Variants in CDH4 observed in about 807,000 individuals in gnomAD.
CDH4 encodes cadherin 4.
CDH4 carries 33 observed loss-of-function variants against 86.0 expected under a neutral mutation model. The ratio of observed to expected loss-of-function variants is 0.38; its 90% confidence interval spans 0.29 to 0.51. CDH4 has a LOEUF of 0.51. Among genes scored for constraint, CDH4 ranks in the 20% least tolerant of loss-of-function variants. The pLI, the probability that CDH4 is intolerant of heterozygous loss-of-function variation, is 0.86. For synonymous variants in CDH4, 555 were observed against 549.4 expected (o/e 1.01, Z -0.14); for missense variants, 1,114 against 1,307.4 (o/e 0.85, Z 2.28).
At chr20:61,492,229 T>C (rs2085631453) in intron 2 of CDH4, among the ~76,000 whole-genome samples, 1 of 151,382 alleles carries the variant, frequency 6.6e-6, no homozygotes, top group Non-Finnish European at 1.5e-5. Context: ...ATTGTTGATA[T>C]TGGTGGTGTT....
chr20:61,353,688 CCTCCT>C (rs1568810414), intron 2 of CDH4, among the ~76,000 whole-genome samples: 3 of 39,880 alleles, frequency 7.5e-5, no homozygotes, highest in Non-Finnish European at 1.5e-4. Flanking sequence ...TCCTCCCCCT[CCTCCT>C]CCCCTCCTCC....
chr20:61,503,248 C>T (rs1166713955), intron 2 of CDH4, among the ~76,000 whole-genome samples: 1 of 152,110 alleles, frequency 6.6e-6, no homozygotes, highest in African/African-American at 2.4e-5. Context: ...CGTGGGCCCA[C>T]AGGAAATGTG....
At chr20:61,927,088 C>T (rs1015927927) in intron 11 of CDH4, among the ~76,000 whole-genome samples, 5 of 152,198 alleles carry the variant, frequency 3.3e-5, no homozygotes, top group African/African-American at 7.2e-5. Flanking sequence ...CGCTGCGTCA[C>T]CTTAAATGTG....
rs569249266 is a variant in CDH4 at position 61,610,894 on chromosome 20, G to A, written c.170-132669G>A. On this transcript the variant is annotated intron_variant, in intron 2 of 15. Coordinates refer to ENST00000614565, the MANE Select transcript of CDH4 (RefSeq NM_001794.5). ...ACAAGGCTATCAAGGGCTCCAGAGT[G>A]GACCTGCAGAAGACCCAGTAAGGGT... Among the ~76,000 whole-genome samples, 4 of 152,272 alleles carry A rather than the reference G, an allele frequency of 2.6e-5. No homozygotes were observed. In the South Asian group the frequency reaches 6.2e-4, roughly 24 times the overall value.
At chr20:61,329,764 G>A (rs1479644313) in intron 2 of CDH4, among the ~76,000 whole-genome samples, 2 of 152,134 alleles carry the variant, frequency 1.3e-5, no homozygotes, top group Admixed American at 6.5e-5. Context: ...ATGTGCCGTG[G>A]TGGTTTGCTG....
chr20:61,561,619 C>A (rs1188054302), intron 2 of CDH4, among the ~76,000 whole-genome samples: 3 of 152,272 alleles, frequency 2.0e-5, no homozygotes, highest in Non-Finnish European at 4.4e-5. Context: ...TGAGCCCAAT[C>A]TGGCCTGCTG....
At chr20:61,561,898 A>G (rs1450033521) in intron 2 of CDH4, among the ~76,000 whole-genome samples, 2 of 152,242 alleles carry the variant, frequency 1.3e-5, no homozygotes, top group Non-Finnish European at 2.9e-5. Flanking sequence ...TGCATGCGCC[A>G]TGTTTCTGGG....
intron 2 of CDH4, among the ~76,000 whole-genome samples, chr20:61,333,141 T>A (rs920643949): frequency 2.0e-5 from 3 of 152,198 alleles, no homozygotes; most frequent in African/African-American, 4.8e-5. Flanking sequence ...TTTAGAGGCA[T>A]TGTGGCAACT....
chr20:61,744,386 G>A (rs997023727), intron 3 of CDH4, among the ~76,000 whole-genome samples: 7 of 148,538 alleles, frequency 4.7e-5, no homozygotes, highest in Non-Finnish European at 8.9e-5. Flanking sequence ...GAGAGAGAAG[G>A]AGGGAGAGAG....
At chr20:61,735,916 G>A (rs529875142) in intron 2 of CDH4, among the ~76,000 whole-genome samples, 10 of 152,280 alleles carry the variant, frequency 6.6e-5, no homozygotes, top group East Asian at 1.9e-4. Flanking sequence ...TGAAGCCACC[G>A]CAACAGCCTT....
chr20:61,431,143 G>T lies in CDH4; in HGVS notation c.169+176206G>T, dbSNP rs2085244120. 2.6e-5 allele frequency among the ~76,000 whole-genome samples: 4 copies of T among 152,264 alleles called. No individual in the cohort carries two copies. The South Asian group carries it at 8.3e-4, about 32-fold the overall frequency. On this transcript the variant is annotated intron_variant, in intron 2 of 15. Transcript: ENST00000614565. ...CCACCCAAGGAATTCCCACTCCAGG[G>T]GAAGCACGTGGGTAGAGGATCAGGT...
intron 2 of CDH4, among the ~76,000 whole-genome samples, chr20:61,419,067 A>G (rs2085162675): frequency 2.0e-5 from 3 of 152,210 alleles, no homozygotes; most frequent in African/African-American, 4.8e-5. Flanking sequence ...GTCCAGGTGT[A>G]CATATCTTTC....
intron 5 of CDH4, among the ~76,000 whole-genome samples, chr20:61,846,186 G>A (rs754920854): frequency 2.6e-5 from 4 of 152,232 alleles, no homozygotes; most frequent in Non-Finnish European, 4.4e-5. Context: ...CTGCACCGGG[G>A]CCTTATCAGT....
At chr20:61,908,204 T>C (rs1388516020) in intron 8 of CDH4, among the ~76,000 whole-genome samples, 1 of 152,226 alleles carries the variant, frequency 6.6e-6, no homozygotes, top group Non-Finnish European at 1.5e-5. Context: ...CCCGTTGGTG[T>C]GGGCTCTGAA....
intron 4 of CDH4, among the ~76,000 whole-genome samples, chr20:61,806,046 G>A (rs985861951): frequency 5.9e-5 from 9 of 152,200 alleles, no homozygotes; most frequent in Admixed American, 4.6e-4. Flanking sequence ...TCCGCTCTGT[G>A]GCACCCAGTA....
chr20:61,332,887 C>A (rs1283577184), intron 2 of CDH4, among the ~76,000 whole-genome samples: 3 of 152,238 alleles, frequency 2.0e-5, no homozygotes, highest in African/African-American at 7.2e-5. Flanking sequence ...GCTCATCACC[C>A]TGGCTTTCTG....
At chr20:61,568,124 T>G (rs2086313991) in intron 2 of CDH4, among the ~76,000 whole-genome samples, 1 of 152,176 alleles carries the variant, frequency 6.6e-6, no homozygotes, top group Non-Finnish European at 1.5e-5. Flanking sequence ...AGGGTCCCCT[T>G]TAAAACAGAT....
chr20:61,383,298 G>GTGATATATATGAATATA (rs1252303521), intron 2 of CDH4, among the ~76,000 whole-genome samples: 1 of 2,484 alleles, frequency 4.0e-4, no homozygotes, highest in African/African-American at 2.0e-3. Flanking sequence ...ATGAATATAT[G>GTGATATATATGAATATA]TGATATATAT....
chr20:61,938,512 A>T lies in CDH4; in HGVS notation c.*1569A>T, dbSNP rs1288283187. ...GTGACAACTGGCTTCCCGAGGAAGG[A>T]GGTGAGGTACCAGGGACCCTGGGCA... On this transcript the variant is annotated 3_prime_UTR_variant, in exon 16 of 16. Transcript: ENST00000614565. 1 of 152,406 alleles carries T rather than the reference A, an allele frequency of 6.6e-6. No individual in the cohort carries two copies. Among genetic ancestry groups the T allele is most frequent in the Admixed American group, 6.5e-5 (1 of 15,290 alleles). The allele number at this position is 152,406 out of a possible 1,614,324, so 9.4% of individuals were successfully genotyped here. A position where few individuals can be genotyped will look rare whatever the true frequency, so the allele number is the denominator to read the frequency against.
Sources: gnomAD v4.1 joint callset for allele counts (sites outside exome capture counted in the v4.1 genomes callset) on GRCh38, gnomAD v4.1.1 for gene constraint, MANE v1.5 for transcripts, NCBI Gene and HGNC (gene_info 2026-07-23, HGNC 2026-07-21) for gene names.